Variants in RBFOX3 observed in about 807,000 individuals in gnomAD.
RBFOX3 encodes RNA binding protein fox-1 homolog 3.
RBFOX3 carries 17 observed loss-of-function variants against 48.7 expected under a neutral mutation model. The ratio of observed to expected loss-of-function variants is 0.35; its 90% CI spans 0.24 to 0.52. RBFOX3 has a LOEUF of 0.52. Among genes scored for constraint, RBFOX3 ranks in the 20% least tolerant of loss-of-function variants. The pLI is 0.94. For synonymous variants in RBFOX3, 212 were observed against 209.5 expected (o/e 1.01, Z -0.10); for missense variants, 382 against 497.5 (o/e 0.77, Z 2.21).
chr17:79,376,795 TTCTG>T (rs1216069270), intron 2 of RBFOX3, among the ~76,000 whole-genome samples: 4 of 152,252 alleles, frequency 2.6e-5, no homozygotes, highest in African/African-American at 9.6e-5. Context: ...CTGTTCGCTT[TTCTG>T]TCTCTCCACT....
intron 2 of RBFOX3, among the ~76,000 whole-genome samples, chr17:79,412,231 TTG>T (rs1014189219): frequency 1.2e-4 from 15 of 127,102 alleles, no homozygotes; most frequent in African/African-American, 3.8e-4. Flanking sequence ...TATGCATGTG[TTG>T]TGTGTGATAT....
At chr17:79,467,557 T>A (rs1030797397) in intron 2 of RBFOX3, among the ~76,000 whole-genome samples, 30 of 152,178 alleles carry the variant, frequency 2.0e-4, no homozygotes, top group African/African-American at 6.5e-4. Flanking sequence ...GGCCACCCCC[T>A]GCTCTGCCTG....
intron 4 of RBFOX3, among the ~76,000 whole-genome samples, chr17:79,194,913 T>TTTTGTTTGTTTA (rs56228526): frequency 6.6e-6 from 1 of 151,854 alleles, no homozygotes; most frequent in African/African-American, 2.4e-5. Flanking sequence ...GTGCCCCCAG[T>TTTTGTTTGTTTA]TTTGTTTGTT....
intron 2 of RBFOX3, among the ~76,000 whole-genome samples, chr17:79,322,295 A>C (rs1410423624): frequency 1.3e-5 from 2 of 152,112 alleles, no homozygotes; most frequent in Non-Finnish European, 2.9e-5. Flanking sequence ...TGCTCTGTGG[A>C]GCAACCTGGT....
rs1044545303 is a variant in RBFOX3 at position 79,521,545 on chromosome 17, C to T, written c.-319-38947G>A. Among the ~76,000 whole-genome samples the T allele has an allele frequency of 2.8e-4, 42 of 152,150 alleles. No homozygotes were observed. The East Asian group carries it at 5.4e-3, about 20-fold the overall frequency. On this transcript the variant is annotated intron_variant, in intron 1 of 14. Coordinates refer to ENST00000693108, the MANE Select transcript of RBFOX3 (RefSeq NM_001350451.2). Reference sequence around the variant, plus strand: ...ACGGATACATTGACAGACACACATTCACACACACACTCATGCACAGAAACA... The same window carrying T: ...ACGGATACATTGACAGACACACATTTACACACACACTCATGCACAGAAACA...
At chr17:79,544,036 G>A (rs1555791133) in intron 1 of RBFOX3, among the ~76,000 whole-genome samples, 2 of 152,190 alleles carry the variant, frequency 1.3e-5, no homozygotes, top group East Asian at 1.9e-4. Context: ...GCCCGTCCCT[G>A]GGCATTGAGA....
At position 79,198,744 on chromosome 17, in the gene RBFOX3, G is replaced by A. The variant is rs56351914; in HGVS notation, c.-34+37022C>T. On this transcript the variant is annotated intron_variant, in intron 4 of 14. Transcript: ENST00000693108. This position sits in a 1 kb window ranked among gnomAD's most constrained non-coding sequence, Gnocchi z 8.2. ...GGGTTCAAGCGATTCTCCTGCCTCA[G>A]CCTCCCAAGTAGCTGGGATTATAGG... 6.6e-6 allele frequency among the ~76,000 whole-genome samples: 1 copy of A among 151,976 alleles called. No homozygotes were observed.
chr17:79,456,964 T>G (rs999310956), intron 2 of RBFOX3, among the ~76,000 whole-genome samples: 1 of 152,190 alleles, frequency 6.6e-6, no homozygotes, highest in South Asian at 2.1e-4. Context: ...TTCCAACAGT[T>G]AGTCATGAAT....
At chr17:79,620,506 TGCGCATAC>T in the RBFOX3 span, among the ~76,000 whole-genome samples, 1 of 131,238 alleles carries the variant, frequency 7.6e-6, no homozygotes, top group Non-Finnish European at 1.6e-5. Flanking sequence ...CGCACACACA[TGCGCATAC>T]GTGCACATGC....
intron 2 of RBFOX3, among the ~76,000 whole-genome samples, chr17:79,434,970 C>T (rs2069122657): frequency 6.6e-6 from 1 of 152,134 alleles, no homozygotes; most frequent in South Asian, 2.1e-4. Flanking sequence ...AAGTAAAAAA[C>T]GTGTGTGAAT....
chr17:79,101,707 C>T, intron 8 of RBFOX3, 63 bp from the exon 9 acceptor site: 1 of 1,400,988 alleles, frequency 7.1e-7, no homozygotes, highest in Non-Finnish European at 9.9e-7. Context: ...GACCCACTGG[C>T]CACTCCTCCC....
At chr17:79,524,109 G>A (rs1303950121) in intron 1 of RBFOX3, among the ~76,000 whole-genome samples, 4 of 152,132 alleles carry the variant, frequency 2.6e-5, no homozygotes, top group African/African-American at 7.2e-5. Flanking sequence ...CTATGATTGA[G>A]GACCTTTGAG....
intron 3 of RBFOX3, among the ~76,000 whole-genome samples, chr17:79,303,805 G>C (rs1310490512): frequency 1.3e-5 from 2 of 152,046 alleles, no homozygotes. Flanking sequence ...ACCTGCGTGT[G>C]CGGTACACAG....
chr17:79,163,859 A>T (rs996800383), intron 4 of RBFOX3, among the ~76,000 whole-genome samples: 4 of 152,128 alleles, frequency 2.6e-5, no homozygotes, highest in Non-Finnish European at 5.9e-5. Flanking sequence ...GTGTCCAGAC[A>T]GGCCTGCTGG....
chr17:79,565,364 G>C (rs2092419016), intron 1 of RBFOX3, among the ~76,000 whole-genome samples: 3 of 146,102 alleles, frequency 2.1e-5, no homozygotes, highest in East Asian at 4.0e-4. Flanking sequence ...TTTTGAGACA[G>C]AGACTCGCTC....
At chr17:79,371,460 GC>G (rs2058531847) in intron 2 of RBFOX3, among the ~76,000 whole-genome samples, 1 of 152,166 alleles carries the variant, frequency 6.6e-6, no homozygotes, top group South Asian at 2.1e-4. Context: ...CTGCAGAGTG[GC>G]CCTTGTTGCT....
intron 1 of RBFOX3, among the ~76,000 whole-genome samples, chr17:79,562,695 T>A (rs927143910): frequency 6.6e-6 from 1 of 152,096 alleles, no homozygotes; most frequent in Non-Finnish European, 1.5e-5. Flanking sequence ...AGAAAGTCCA[T>A]GGAGGGTGGG....
At chr17:79,277,882 G>A (rs1240100383) in intron 3 of RBFOX3, among the ~76,000 whole-genome samples, 8 of 152,216 alleles carry the variant, frequency 5.3e-5, no homozygotes, top group Non-Finnish European at 1.0e-4. Flanking sequence ...GGGGACTCAC[G>A]GGGATGGGAG....
In RBFOX3 at chr17:79,592,138, G is replaced by A. The variant is rs1029267091; in HGVS notation, c.-320+18688C>T. Among the ~76,000 whole-genome samples the A allele has an allele frequency of 4.4e-3, 658 of 150,342 alleles. 5 individuals carry two copies. Among genetic ancestry groups the A allele is most frequent in the Non-Finnish European group, 7.6e-3 (514 of 67,434 alleles). ...TGTGTGTGGAATGTGAAGTATTGTC[G>A]TGTGTGCATGCATGCATGTGTGTGT... On this transcript the variant is annotated intron_variant, in intron 1 of 14. Coordinates refer to ENST00000693108, the MANE Select transcript of RBFOX3 (RefSeq NM_001350451.2).
Sources: gnomAD v4.1 joint callset for allele counts (sites outside exome capture counted in the v4.1 genomes callset) on GRCh38, gnomAD v4.1.1 for gene constraint, Gnocchi (gnomAD v3.1) non-coding constraint, MANE v1.5 for transcripts, NCBI Gene and HGNC (gene_info 2026-07-23, HGNC 2026-07-21) for gene names.